The following NEMP2 variants were observed in gnomAD, a reference collection of about 807,000 sequenced individuals.
The protein encoded by NEMP2 is UPF0571 transmembrane protein.
NEMP2 carries 53 observed loss-of-function variants against 54.2 expected under a neutral mutation model. That is an observed-to-expected ratio of 0.98 (90% CI 0.78 to 1.23). The LOEUF (loss-of-function observed/expected upper bound fraction) is 1.23, where lower values mean the gene tolerates loss of function less well. Among genes scored for constraint, NEMP2 ranks in the 50% most tolerant of loss-of-function variants. The probability of loss-of-function intolerance (pLI) is 0.00; values close to 1 mark genes in which losing one functional copy is unlikely to be tolerated. For synonymous variants in NEMP2, 197 were observed against 190.3 expected (o/e 1.04, Z -0.29); for missense variants, 455 against 511.3 (o/e 0.89, Z 1.06).
In NEMP2 at chr2:190,504,612, A is replaced by G. The variant is rs554995518; in HGVS notation, c.*4577T>C. 13 of 152,280 alleles carry G rather than the reference A, an allele frequency of 8.5e-5. No homozygotes were observed. Among genetic ancestry groups the G allele is most frequent in the African/African-American group, 2.9e-4 (12 of 41,568 alleles). 9.4% of individuals were successfully genotyped at this position (152,280 alleles called of 1,614,324 possible). A position where few individuals can be genotyped will look rare whatever the true frequency, so the allele number is the denominator to read the frequency against. On this transcript the variant is annotated 3_prime_UTR_variant, in exon 9 of 9. Coordinates refer to ENST00000409150, the MANE Select transcript of NEMP2 (RefSeq NM_001142645.2). The surrounding 1 kb of genome is among the most constrained non-coding windows in gnomAD (Gnocchi z 5.6). ...GCTGAGAGAGGTTATAAGTTTCATA[A>G]TTTTCATTTTTCTTTTTCTTCTTAA...
At chr2:190,446,414 G>A in the NEMP2 span, among the ~76,000 whole-genome samples, 1 of 152,150 alleles carries the variant, frequency 6.6e-6, no homozygotes, top group Non-Finnish European at 1.5e-5. Flanking sequence ...ACTTTACTCT[G>A]CTAAATCCTA....
chr2:190,424,042 G>A, the NEMP2 span, among the ~76,000 whole-genome samples: 4 of 152,082 alleles, frequency 2.6e-5, no homozygotes, highest in Non-Finnish European at 4.4e-5. The surrounding 1 kb of genome is among the most constrained non-coding windows in gnomAD (Gnocchi z 5.9). Context: ...CTAATCCTTC[G>A]CTGGATTTGT....
the NEMP2 span, chr2:190,626,247 A>T: frequency 6.6e-6 from 1 of 152,112 alleles, no homozygotes; most frequent in African/African-American, 2.4e-5. This position sits in a 1 kb window ranked among gnomAD's most constrained non-coding sequence, Gnocchi z 4.5. Context: ...GGATTTCAAC[A>T]TATGAATTTT....
At chr2:190,601,263 G>C in the NEMP2 span, among the ~76,000 whole-genome samples, 1 of 152,168 alleles carries the variant, frequency 6.6e-6, no homozygotes, top group Non-Finnish European at 1.5e-5. This position sits in a 1 kb window ranked among gnomAD's most constrained non-coding sequence, Gnocchi z 5.8. Context: ...CAGAAGCTAA[G>C]AGAAAGGCCC....
At chr2:190,584,885 CA>C in the NEMP2 span, among the ~76,000 whole-genome samples, 5 of 135,282 alleles carry the variant, frequency 3.7e-5, no homozygotes, top group Non-Finnish European at 8.0e-5. The surrounding 1 kb of genome is among the most constrained non-coding windows in gnomAD (Gnocchi z 4.2). Context: ...AACAAACAAA[CA>C]AAAAACAACA....
chr2:190,540,441 G>T, the NEMP2 span, among the ~76,000 whole-genome samples: 1 of 151,934 alleles, frequency 6.6e-6, no homozygotes, highest in Non-Finnish European at 1.5e-5. Flanking sequence ...ATGCCACCAA[G>T]CCCAGATAAT....
the NEMP2 span, among the ~76,000 whole-genome samples, chr2:190,438,711 A>C: frequency 6.6e-6 from 1 of 152,220 alleles, no homozygotes; most frequent in African/African-American, 2.4e-5. This position sits in a 1 kb window ranked among gnomAD's most constrained non-coding sequence, Gnocchi z 5.2. Context: ...GCTGTAACTA[A>C]AAGCAACCGT....
chr2:190,617,218 C>G, the NEMP2 span: 1 of 152,116 alleles, frequency 6.6e-6, no homozygotes, highest in Non-Finnish European at 1.5e-5. This position sits in a 1 kb window ranked among gnomAD's most constrained non-coding sequence, Gnocchi z 5.0. Context: ...TATTCCTACC[C>G]CATAGATAAC....
the NEMP2 span, among the ~76,000 whole-genome samples, chr2:190,439,354 T>C: frequency 1.3e-5 from 2 of 152,256 alleles, no homozygotes; most frequent in Admixed American, 1.3e-4. The surrounding 1 kb of genome is among the most constrained non-coding windows in gnomAD (Gnocchi z 5.8). Flanking sequence ...ATTTTCTTTT[T>C]TTTCACGTTT....
the NEMP2 span, among the ~76,000 whole-genome samples, chr2:190,493,096 A>T: frequency 6.6e-6 from 1 of 152,170 alleles, no homozygotes; most frequent in Non-Finnish European, 1.5e-5. Context: ...TGCAGAATGG[A>T]TAAGAATTCA....
the NEMP2 span, chr2:190,488,715 C>G: frequency 1.3e-5 from 21 of 1,608,162 alleles, no homozygotes; most frequent in African/African-American, 1.9e-4. This position sits in a 1 kb window ranked among gnomAD's most constrained non-coding sequence, Gnocchi z 6.4. Flanking sequence ...CAGCCGTTCC[C>G]CCTGAGCTGA....
At chr2:190,583,337 C>G in the NEMP2 span, among the ~76,000 whole-genome samples, 1 of 151,324 alleles carries the variant, frequency 6.6e-6, no homozygotes, top group African/African-American at 2.4e-5. Flanking sequence ...TTTAGGTATT[C>G]AAACATAAAT....
At chr2:190,432,792 T>G in the NEMP2 span, among the ~76,000 whole-genome samples, 3 of 151,984 alleles carry the variant, frequency 2.0e-5, no homozygotes, top group African/African-American at 7.3e-5. Flanking sequence ...TCAGCTCTAT[T>G]TGAGCACCTC....
chr2:190,533,774 GA>G lies in NEMP2; in HGVS notation c.97+784del, dbSNP rs5837190. Among the ~76,000 whole-genome samples, 3,589 of 148,002 alleles carry G rather than the reference GA, an allele frequency of 0.024. 163 individuals are homozygous for G. The highest frequency in any genetic ancestry group is 0.082 in the African/African-American group (3,315 of 40,474). On this transcript the variant is annotated intron_variant, in intron 1 of 8. Coordinates refer to ENST00000409150, the MANE Select transcript of NEMP2 (RefSeq NM_001142645.2). This position sits in a 1 kb window ranked among gnomAD's most constrained non-coding sequence, Gnocchi z 4.3. Reference sequence around the variant, plus strand: ...AATCTTTTAAAAGATTTTATGAGGGGAAAAAAAAAAAGAAACAGAAATGTGA... The same window carrying G: ...AATCTTTTAAAAGATTTTATGAGGGGAAAAAAAAAAGAAACAGAAATGTGA...
intron 6 of NEMP2, among the ~76,000 whole-genome samples, chr2:190,515,085 C>G (rs138280440): frequency 9.3e-4 from 142 of 152,260 alleles, no homozygotes; most frequent in African/African-American, 3.3e-3. Context: ...GAGTCACCCT[C>G]TGAATCCAAT....
chr2:190,625,130 T>A, the NEMP2 span: 2 of 152,176 alleles, frequency 1.3e-5, no homozygotes, highest in Admixed American at 6.5e-5. Context: ...ACTGAAAACA[T>A]GTCTACACAA....
chr2:190,606,853 AC>A, the NEMP2 span, among the ~76,000 whole-genome samples: 1 of 152,236 alleles, frequency 6.6e-6, no homozygotes, highest in African/African-American at 2.4e-5. Context: ...CAATGCATTT[AC>A]TTTAAGAATT....
At chr2:190,614,257 T>C in the NEMP2 span, among the ~76,000 whole-genome samples, 29 of 152,254 alleles carry the variant, frequency 1.9e-4, no homozygotes, top group African/African-American at 6.7e-4. The surrounding 1 kb of genome is among the most constrained non-coding windows in gnomAD (Gnocchi z 5.7). Flanking sequence ...GCTTTTACAG[T>C]GCACTTAAAA....
In NEMP2 at chr2:190,520,924, T is replaced by A. The variant is rs1409527533; in HGVS notation, c.214-1741A>T. Among the ~76,000 whole-genome samples the A allele has an allele frequency of 2.6e-5, 4 of 152,168 alleles. No individual in the cohort carries two copies. Among genetic ancestry groups the A allele is most frequent in the Non-Finnish European group, 4.4e-5 (3 of 68,030 alleles). ...TCTCTTTTTAGCCACCTAAACTCCA[T>A]GATCAATTATTATACACCATTCCCT... On this transcript the variant is annotated intron_variant, in intron 2 of 8. Coordinates refer to ENST00000409150, the MANE Select transcript of NEMP2 (RefSeq NM_001142645.2). This position sits in a 1 kb window ranked among gnomAD's most constrained non-coding sequence, Gnocchi z 5.4.
Sources: gnomAD v4.1 joint callset for allele counts (sites outside exome capture counted in the v4.1 genomes callset) on GRCh38, gnomAD v4.1.1 for gene constraint, Gnocchi (gnomAD v3.1) non-coding constraint, MANE v1.5 for transcripts, NCBI Gene and HGNC (gene_info 2026-07-23, HGNC 2026-07-21) for gene names.